RPGR: variants seen among roughly 807,000 people sequenced by gnomAD.
The protein encoded by RPGR is X-linked retinitis pigmentosa GTPase regulator.
RPGR carries 10 observed loss-of-function variants against 56.3 expected under a neutral mutation model. The observed-to-expected ratio is 0.18, with a 90% CI of 0.11 to 0.30. The LOEUF (loss-of-function observed/expected upper bound fraction) is 0.30. RPGR is among the 10% of genes least tolerant of loss of function. RPGR has a pLI of 1.00. For synonymous variants in RPGR, 197 were observed against 212.9 expected (o/e 0.93, Z 0.65); for missense variants, 538 against 590.9 (o/e 0.91, Z 0.93).
At chrX:38,311,846 A>G (rs1305117424) in intron 6 of RPGR, among the ~76,000 whole-genome samples, 1 of 111,242 alleles carries the variant, frequency 9.0e-6, no homozygotes, top group African/African-American at 3.3e-5. Flanking sequence ...CTGGGCAGAG[A>G]CATTCCACAC....
chrX:38,284,509 C>G, intron 15 of RPGR: 1 of 747,009 alleles, frequency 1.3e-6, no homozygotes, highest in Non-Finnish European at 1.6e-6. Context: ...TAACACATAC[C>G]AGAAATGAAG....
chrX:38,277,233 T>C lies in RPGR; in HGVS notation c.1906-461A>G, dbSNP rs749197343. Among the ~76,000 whole-genome samples, 9 of 110,008 alleles carry C rather than the reference T, an allele frequency of 8.2e-5. No individual in the cohort carries two copies. The South Asian group carries it at 1.2e-3, about 14-fold the overall frequency. On this transcript the variant is annotated intron_variant, in intron 15 of 18. Transcript: ENST00000642395. Reference sequence around the variant, plus strand: ...GTCATGAGGAAGATAAGTATAATTATTTACATTCCAGGAAAAAAGATAAAG... The same window carrying C: ...GTCATGAGGAAGATAAGTATAATTACTTACATTCCAGGAAAAAAGATAAAG...
At chrX:38,311,063 C>T (rs2067707297) in intron 6 of RPGR, among the ~76,000 whole-genome samples, 1 of 112,453 alleles carries the variant, frequency 8.9e-6, no homozygotes, top group African/African-American at 3.2e-5. Context: ...TTACTTAAAG[C>T]TCCCATAAAA....
chrX:38,310,794 T>C (rs750296636), intron 6 of RPGR, 21 bp from the exon 7 acceptor site: 4 of 1,200,737 alleles, frequency 3.3e-6, no homozygotes, highest in South Asian at 1.8e-5. Flanking sequence ...AAAAGTATAG[T>C]GATTAGTGAT....
Position 38,295,567 on chromosome X carries a change from T to C in RPGR, c.1414+1717A>G, listed in dbSNP as rs984822567. 2.7e-5 allele frequency among the ~76,000 whole-genome samples: 3 copies of C among 112,335 alleles called. No individual in the cohort carries two copies. The Admixed American group carries it at 2.8e-4, about 11-fold the overall frequency. On this transcript the variant is annotated intron_variant, in intron 11 of 18. Coordinates refer to ENST00000642395, the MANE Select transcript of RPGR (RefSeq NM_000328.3). ...ACACACTACATACTGCTTGCCAGAA[T>C]CTACTACTTTTTCCATGTCCAGGGC...
At chrX:38,322,831 A>C (rs1488845424) in intron 3 of RPGR, 22 bp downstream of exon 3, 1 of 1,154,763 alleles carries the variant, frequency 8.7e-7, no homozygotes, top group African/African-American at 1.8e-5. Context: ...ACAGTTTGTG[A>C]AAAGATAAAA....
At chrX:38,280,308 TC>T (rs2067009158) in intron 15 of RPGR, among the ~76,000 whole-genome samples, 1 of 111,503 alleles carries the variant, frequency 9.0e-6, no homozygotes, top group African/African-American at 3.3e-5. Flanking sequence ...GACTTTTTTT[TC>T]CCATAATGTC....
At chrX:38,311,054 T>C (rs1443335335) in intron 6 of RPGR, among the ~76,000 whole-genome samples, 2 of 112,720 alleles carry the variant, frequency 1.8e-5, no homozygotes, top group Non-Finnish European at 3.7e-5. Context: ...GTCTTTTACT[T>C]ACTTAAAGCT....
At position 38,297,400 on chromosome X, in the gene RPGR, C is replaced by T. The variant is rs1184885452; in HGVS notation, c.1298G>A (p.Gly433Glu). The stretch of plus-strand genomic sequence containing the variant: ...AAAACAAGCAGAAAGGCCAAGAGTC[C>T]CTTCTATTGGAGGTAGTGTTCTCCT... The change falls in exon 11 of 19, where the codon GGG becomes GAG. Residue 433 changes from glycine to glutamate, a missense_variant. By Grantham distance (98) the Gly-to-Glu change is moderately conservative. Transcript: ENST00000642395. 2 of 1,208,153 alleles carry T rather than the reference C, an allele frequency of 1.7e-6. No homozygotes were observed. The highest frequency in any genetic ancestry group is 2.2e-6 in the Non-Finnish European group (2 of 893,366).
chrX:38,317,186 C>T lies in RPGR; in HGVS notation c.619+130G>A, dbSNP rs1052287326. ...GGGAAATACTGTGACCTAAAACAGA[C>T]CAAAATAATTTCATTACATGGACAA... On this transcript the variant is annotated intron_variant, in intron 6 of 18. Coordinates refer to ENST00000642395, the MANE Select transcript of RPGR (RefSeq NM_000328.3). 5.7e-6 allele frequency: 4 copies of T among 700,257 alleles called. No individual in the cohort carries two copies. The African/African-American group carries it at 6.5e-5, about 11-fold the overall frequency. The allele number at this position is 700,257 out of a possible 1,213,427, so 57.7% of individuals were successfully genotyped here.
Position 38,323,437 on chromosome X carries a change from T to C in RPGR, c.116A>G (p.His39Arg). ...AGAATGTTCATCTCCACATGAAAGA[T>C]GTACAGGGACATCATTTTTAAACCA... Residue 39 changes from histidine (H) to arginine (R), a missense_variant, in exon 2 of 19, where the codon CAT becomes CGT. Around this residue, in one of 2 missense-constraint regions of RPGR, gnomAD observed 181 missense variants for 265.1 expected, o/e 0.68. Coordinates refer to ENST00000642395, the MANE Select transcript of RPGR (RefSeq NM_000328.3). 8.3e-7 allele frequency: 1 copy of C among 1,207,455 alleles called. No homozygotes were observed. Among genetic ancestry groups the C allele is most frequent in the Non-Finnish European group, 1.1e-6 (1 of 891,763 alleles).
At chrX:38,298,697 G>GCTTTTATAGCACCATTGT (rs1350029334) in intron 10 of RPGR, among the ~76,000 whole-genome samples, 1 of 111,520 alleles carries the variant, frequency 9.0e-6, no homozygotes, top group Non-Finnish European at 1.9e-5. Flanking sequence ...ATAAAAGGAT[G>GCTTTTATAGCACCATTGT]CTTTTATAGC....
Position 38,290,960 on chromosome X carries a change from T to C in RPGR, c.1571A>G (p.Lys524Arg). The change falls in exon 13 of 19, where the codon AAG becomes AGG. Residue 524 changes from lysine to arginine, a missense_variant and splice_region_variant. Physicochemically the swap from Lys to Arg is conservative, Grantham distance 26 (BLOSUM62 2). Transcript: ENST00000642395. ...CGAAAATAAATCTTCATATTATACC[T>C]TTTGTTTCTGAACTGGTGATAATTT... is the stretch of plus-strand genomic sequence containing the variant. 1 of 1,025,347 alleles carries C rather than the reference T, an allele frequency of 9.8e-7. No individual in the cohort carries two copies. The highest frequency in any genetic ancestry group is 1.3e-6 in the Non-Finnish European group (1 of 745,039). 84.5% of individuals were successfully genotyped at this position (1,025,347 alleles called of 1,213,427 possible).
At chrX:38,311,131 A>C (rs868273191) in intron 6 of RPGR, among the ~76,000 whole-genome samples, 10 of 112,821 alleles carry the variant, frequency 8.9e-5, no homozygotes, top group African/African-American at 3.2e-4. Context: ...GTCTAGAACA[A>C]GCACTTAATA....
rs201702850 is a variant in RPGR, at chrX:38,317,464, C to T, written c.471G>A (p.Glu157=). ...CACCCCACATAAAAAGTCTTCCATC[C>T]TCTATAAAGAAAAATAAAAGGGGGA... Residue 157 remains glutamate (E), a splice_region_variant and synonymous_variant, in exon 6 of 19, where the codon GAG becomes GAA. Transcript: ENST00000642395. 15 of 1,207,122 alleles carry T rather than the reference C, an allele frequency of 1.2e-5. No homozygotes were observed. Among genetic ancestry groups the T allele is most frequent in the African/African-American group, 1.7e-5 (1 of 57,565 alleles).
In RPGR at chrX:38,287,928, ATGT is replaced by A. The variant is rs1208778002; in HGVS notation, c.1683_1685del (p.Gln561del). The A allele has an allele frequency of 8.3e-7, 1 of 1,211,154 alleles. No individual in the cohort carries two copies. The highest frequency in any genetic ancestry group is 1.8e-5 in the South Asian group (1 of 56,882). ...GCGTCATGAAAATCCCTTGTGACACATGTTGTTTACATGCTTTCCCTTCTTTCA... is the reference window on the plus strand; with the variant it reads ...GCGTCATGAAAATCCCTTGTGACACATGTTTACATGCTTTCCCTTCTTTCA... On this transcript the variant is annotated inframe_deletion, in exon 14 of 19. Coordinates refer to ENST00000642395, the MANE Select transcript of RPGR (RefSeq NM_000328.3).
chrX:38,304,230 C>T (rs1382996855), intron 8 of RPGR, among the ~76,000 whole-genome samples: 1 of 111,803 alleles, frequency 8.9e-6, no homozygotes, highest in Non-Finnish European at 1.9e-5. Context: ...ACAACTGACT[C>T]GGCCTGAATG....
intron 7 of RPGR, among the ~76,000 whole-genome samples, chrX:38,309,748 A>C (rs1298653099): frequency 9.0e-6 from 1 of 111,443 alleles, no homozygotes; most frequent in African/African-American, 3.3e-5. Context: ...GAATCGCTTG[A>C]ACTCAGGAGG....
Position 38,310,487 on chromosome X carries a change from T to C in RPGR, c.778+128A>G, listed in dbSNP as rs781651190. The C allele has an allele frequency of 5.0e-5, 32 of 636,228 alleles. No individual in the cohort carries two copies. The South Asian group carries it at 7.8e-4, about 16-fold the overall frequency. The allele number at this position is 636,228 out of a possible 1,213,427, so 52.4% of individuals were successfully genotyped here. The stretch of plus-strand genomic sequence containing the variant: ...ATACTTTATTATACTCTTAAAAATC[T>C]ATTAAGAAGGTAGTTCTCATAGTAT... On this transcript the variant is annotated intron_variant, in intron 7 of 18. Transcript: ENST00000642395.
Sources: allele counts gnomAD v4.1 joint callset (sites outside exome capture counted in the v4.1 genomes callset), GRCh38; gene constraint gnomAD v4.1.1; regional missense constraint gnomAD v4.1.1; transcripts MANE v1.5; gene names NCBI Gene and HGNC (gene_info 2026-07-23, HGNC 2026-07-21).